Variants in SYCP2 observed in about 807,000 individuals in gnomAD.
The protein encoded by SYCP2 is synaptonemal complex protein 2, also known as synaptonemal complex lateral element protein.
Under a neutral mutation model 211.3 loss-of-function variants are expected in SYCP2, and 55 were observed. The ratio of observed to expected loss-of-function variants is 0.26; its 90% CI spans 0.21 to 0.33. The LOEUF is 0.33. SYCP2 is among the 10% of genes least tolerant of loss of function. The pLI is 1.00. For missense variants in SYCP2, 1,731 were observed against 1,752.0 expected (o/e 0.99, Z 0.21); for synonymous variants, 570 against 555.2 (o/e 1.03, Z -0.37).
At chr20:59,933,522 G>A (rs994204809) in intron 1 of SYCP2, 47 bp downstream of exon 1, 1 of 150,950 alleles carries the variant, frequency 6.6e-6, no homozygotes, top group African/African-American at 2.4e-5. Flanking sequence ...CCCTCCCTCC[G>A]CGCCCCGCCG....
chr20:59,883,389 C>T lies in SYCP2; in HGVS notation c.2530-1224G>A, dbSNP rs116571412. ...ACAAACAAACAAAGGTATCTACATTCCTATGTTCATTGCAGTAGTATTTAT... is the reference window on the plus strand; with the variant it reads ...ACAAACAAACAAAGGTATCTACATTTCTATGTTCATTGCAGTAGTATTTAT... On this transcript the variant is annotated intron_variant, in intron 26 of 44. Transcript: ENST00000357552. Among the ~76,000 whole-genome samples, 760 of 151,970 alleles carry T rather than the reference C, an allele frequency of 5.0e-3. 4 individuals carry two copies. The highest frequency in any genetic ancestry group is 0.017 in the African/African-American group (725 of 41,474).
intron 18 of SYCP2, among the ~76,000 whole-genome samples, chr20:59,897,186 G>A (rs990171533): frequency 6.6e-6 from 1 of 152,098 alleles, no homozygotes; most frequent in Admixed American, 6.6e-5. Context: ...GTGACATACT[G>A]CATAGAGGCA....
intron 2 of SYCP2, among the ~76,000 whole-genome samples, chr20:59,926,881 C>A (rs1398266811): frequency 6.6e-6 from 1 of 152,138 alleles, no homozygotes; most frequent in African/African-American, 2.4e-5. Context: ...AGAAATTTTC[C>A]TCAAATGTAG....
chr20:59,915,005 CCAGA>C lies in SYCP2; in HGVS notation c.634+156_634+159del, dbSNP rs199951925. On this transcript the variant is annotated intron_variant, in intron 10 of 44. Transcript: ENST00000357552. ...CCTACTGTCATAAATTATTTTTGTC[CCAGA>C]CAAATTTCATGTATATTTATTAAAA... is the stretch of plus-strand genomic sequence containing the variant. 2.4e-3 allele frequency among the ~76,000 whole-genome samples: 369 copies of C among 151,868 alleles called. 3 individuals are homozygous for C. The highest frequency in any genetic ancestry group is 0.015 in the Admixed American group (233 of 15,256).
In SYCP2 at chr20:59,910,567, G is replaced by A. The variant is rs2060301336; in HGVS notation, c.972+1183C>T. Among the ~76,000 whole-genome samples the A allele has an allele frequency of 2.0e-5, 3 of 151,350 alleles. No individual in the cohort carries two copies. In the South Asian group the frequency reaches 6.3e-4, roughly 32 times the overall value. On this transcript the variant is annotated intron_variant, in intron 14 of 44. Coordinates refer to ENST00000357552, the MANE Select transcript of SYCP2 (RefSeq NM_014258.4). Reference sequence around the variant, plus strand: ...AGCTTATTTTTGTATTTTTAGTAGAGGCGGGGTTTCACCATGTTTAACTGC... The same window carrying A: ...AGCTTATTTTTGTATTTTTAGTAGAAGCGGGGTTTCACCATGTTTAACTGC...
At chr20:59,902,527 C>T (rs1206952873) in intron 15 of SYCP2, among the ~76,000 whole-genome samples, 1 of 152,092 alleles carries the variant, frequency 6.6e-6, no homozygotes, top group Non-Finnish European at 1.5e-5. Context: ...CCACAATGTA[C>T]TTTCGGGCAA....
At chr20:59,929,043 T>G (rs2060685815) in intron 2 of SYCP2, among the ~76,000 whole-genome samples, 2 of 152,116 alleles carry the variant, frequency 1.3e-5, no homozygotes, top group South Asian at 4.1e-4. Flanking sequence ...AAAGTATTAT[T>G]ATGAAGAACT....
Position 59,864,202 on chromosome 20 carries a change from C to G in SYCP2, c.*109G>C. On this transcript the variant is annotated 3_prime_UTR_variant, in exon 45 of 45. Coordinates refer to ENST00000357552, the MANE Select transcript of SYCP2 (RefSeq NM_014258.4). Reference sequence around the variant, plus strand: ...AATTTGAGGGTTCCTATAAAGGGTACACTTGCTTCGGTGACATGTATATTT... The same window carrying G: ...AATTTGAGGGTTCCTATAAAGGGTAGACTTGCTTCGGTGACATGTATATTT... The G allele has an allele frequency of 2.7e-6, 2 of 746,062 alleles. No individual in the cohort carries two copies. Among genetic ancestry groups the G allele is most frequent in the Non-Finnish European group, 4.2e-6 (2 of 471,466 alleles). The allele number at this position is 746,062 out of a possible 1,614,324, so 46.2% of individuals were successfully genotyped here. A position where few individuals can be genotyped will look rare whatever the true frequency, so the allele number is the denominator to read the frequency against.
chr20:59,898,549 T>C (rs944254875), intron 18 of SYCP2, among the ~76,000 whole-genome samples: 12 of 152,050 alleles, frequency 7.9e-5, no homozygotes, highest in African/African-American at 2.9e-4. Flanking sequence ...CATCACACAC[T>C]GGGACCTGTT....
chr20:59,912,321 A>G, intron 13 of SYCP2, 52 bp downstream of exon 13: 1 of 717,132 alleles, frequency 1.4e-6, no homozygotes, highest in South Asian at 1.7e-5. Context: ...AATTCACTTG[A>G]CTATCAAAAT....
chr20:59,901,767 T>C lies in SYCP2; in HGVS notation c.1077A>G (p.Thr359=). The part of the protein sequence containing the change: ...KKLLTIILKN[T]VKISKREGKE... ...TCCCTTCTCTTTTGCTAATTTTTAC[T>C]GTATTTTTCAGAATTATTGTCAGTA... The change falls in exon 16 of 45, where the codon ACA becomes ACG. Residue 359 remains threonine, a synonymous_variant. Coordinates refer to ENST00000357552, the MANE Select transcript of SYCP2 (RefSeq NM_014258.4). The C allele has an allele frequency of 3.7e-6, 6 of 1,605,150 alleles. No homozygotes were observed. The highest frequency in any genetic ancestry group is 5.1e-6 in the Non-Finnish European group (6 of 1,175,336).
chr20:59,907,009 A>T (rs1335752629), intron 15 of SYCP2, among the ~76,000 whole-genome samples: 1 of 152,172 alleles, frequency 6.6e-6, no homozygotes. Flanking sequence ...TAATAGTACT[A>T]GTCTGATTTT....
rs2059591820 is a variant in SYCP2 at position 59,877,898 on chromosome 20, TA to T, written c.2979+109del. The T allele has an allele frequency of 3.1e-5, 27 of 859,624 alleles. No homozygotes were observed. The South Asian group carries it at 4.0e-4, about 13-fold the overall frequency. The allele number at this position is 859,624 out of a possible 1,614,324, so 53.2% of individuals were successfully genotyped here. Reference sequence around the variant, plus strand: ...GTGTGCAAAAGAAGGAAGAGGTACATAAAACACATAACTGATAACAAGGATA... The same window carrying T: ...GTGTGCAAAAGAAGGAAGAGGTACATAAACACATAACTGATAACAAGGATA... On this transcript the variant is annotated intron_variant, in intron 32 of 44. Coordinates refer to ENST00000357552, the MANE Select transcript of SYCP2 (RefSeq NM_014258.4).
chr20:59,912,863 G>C (rs554921136), intron 12 of SYCP2, among the ~76,000 whole-genome samples: 14 of 152,250 alleles, frequency 9.2e-5, no homozygotes, highest in African/African-American at 3.4e-4. Context: ...TTCCCCTTTT[G>C]CATCTTCCTC....
At chr20:59,890,581 AGTAG>A (rs139061503) in intron 24 of SYCP2, among the ~76,000 whole-genome samples, 28 of 151,338 alleles carry the variant, frequency 1.9e-4, no homozygotes, top group South Asian at 6.3e-4. Flanking sequence ...TAGGTAGGTA[AGTAG>A]GTAGGTAGGT....
intron 38 of SYCP2, 121 bp from the exon 39 acceptor site, chr20:59,867,968 G>T: frequency 3.0e-6 from 2 of 663,652 alleles, no homozygotes; most frequent in South Asian, 2.3e-5. Context: ...TAAGGATTAT[G>T]AAATCAAAGG....
At chr20:59,927,855 T>C (rs1027649879) in intron 2 of SYCP2, among the ~76,000 whole-genome samples, 2 of 152,162 alleles carry the variant, frequency 1.3e-5, no homozygotes, top group African/African-American at 4.8e-5. Flanking sequence ...AGGAGTTTCA[T>C]GTTGTTTTCA....
In SYCP2 at chr20:59,869,945, A is replaced by G. The variant is rs928710721; in HGVS notation, c.3594T>C (p.Asn1198=). The change falls in exon 36 of 45, where the codon AAT becomes AAC. Residue 1198 remains asparagine, a synonymous_variant. Transcript: ENST00000357552. ...GTACCAGAGAACTTATTTTTTTTCT[A>G]TTTACAATAGTATTACTCTTAGTTG... ...HTPTKSNTIV[N]RKKISSLVLT... 9 of 1,603,278 alleles carry G rather than the reference A, an allele frequency of 5.6e-6. No individual in the cohort carries two copies. Among genetic ancestry groups the G allele is most frequent in the Non-Finnish European group, 6.8e-6 (8 of 1,173,652 alleles).
chr20:59,922,401 G>T lies in SYCP2; in HGVS notation c.13C>A (p.Pro5Thr), dbSNP rs747977568. 4 of 1,562,772 alleles carry T rather than the reference G, an allele frequency of 2.6e-6. No individual in the cohort carries two copies. In the Admixed American group the frequency reaches 8.3e-5, roughly 32 times the overall value. MPIR[P>T]DLQQLEKCID... is the part of the protein sequence containing the mutation. ...CTAGGACTACATACCTGGAGATCTG[G>T]TCTTATTGGCATTTTGACTTCATTT... is the stretch of plus-strand genomic sequence containing the variant. Residue 5 changes from proline to threonine, a missense_variant, in exon 3 of 45, where the codon CCA becomes ACA. Physicochemically the swap from Pro to Thr is conservative, Grantham distance 38 (BLOSUM62 -1). This residue lies in a region of SYCP2 where 335 missense variants were observed against 378.8 expected (regional missense o/e 0.88). Transcript: ENST00000357552.
Sources: allele counts gnomAD v4.1 joint callset (sites outside exome capture counted in the v4.1 genomes callset), GRCh38; gene constraint gnomAD v4.1.1; regional missense constraint gnomAD v4.1.1; transcripts MANE v1.5; gene names NCBI Gene and HGNC (gene_info 2026-07-23, HGNC 2026-07-21).